The following SCAF8 variants were observed in gnomAD, a reference collection of about 807,000 sequenced individuals.
The protein encoded by SCAF8 is SR-related CTD associated factor 8.
SCAF8 carries 23 observed loss-of-function variants against 140.5 expected under a neutral mutation model. The ratio of observed to expected loss-of-function variants is 0.16; its 90% CI spans 0.12 to 0.23. SCAF8 has a LOEUF of 0.23. Ranked by LOEUF, SCAF8 falls within the 10% of genes least tolerant of loss-of-function variation. The pLI is 1.00. For missense variants in SCAF8, 1,397 were observed against 1,555.7 expected (o/e 0.90, Z 1.72); for synonymous variants, 575 against 528.9 (o/e 1.09, Z -1.20).
chr6:154,802,902 T>A (rs544882002), intron 7 of SCAF8, among the ~76,000 whole-genome samples: 2 of 152,226 alleles, frequency 1.3e-5, no homozygotes, highest in Non-Finnish European at 2.9e-5. Flanking sequence ...ATGCCTAAAT[T>A]ATTAATAATT....
At chr6:154,766,668 C>CTTTT (rs1226739849) in intron 1 of SCAF8, among the ~76,000 whole-genome samples, 1 of 97,238 alleles carries the variant, frequency 1.0e-5, no homozygotes, top group Non-Finnish European at 2.0e-5. Context: ...CACCCCCCCC[C>CTTTT]CTTTTTTTTT....
intron 3 of SCAF8, among the ~76,000 whole-genome samples, chr6:154,784,775 A>G (rs1199171761): frequency 6.6e-6 from 1 of 152,206 alleles, no homozygotes; most frequent in Non-Finnish European, 1.5e-5. Flanking sequence ...GGGTCTTGGA[A>G]CGAATCCCCC....
chr6:154,826,375 G>T (rs993369188), intron 17 of SCAF8, among the ~76,000 whole-genome samples: 11 of 151,766 alleles, frequency 7.2e-5, no homozygotes, highest in African/African-American at 2.4e-4. Context: ...TGTACAAAAG[G>T]TATATTTTAT....
chr6:154,751,413 G>A (rs1354336823), intron 1 of SCAF8, among the ~76,000 whole-genome samples: 2 of 151,932 alleles, frequency 1.3e-5, no homozygotes, highest in Non-Finnish European at 2.9e-5. Flanking sequence ...TTTTTTTGTT[G>A]AGACGGGTTT....
intron 16 of SCAF8, among the ~76,000 whole-genome samples, chr6:154,823,118 G>A (rs1181061874): frequency 6.6e-6 from 1 of 152,174 alleles, no homozygotes; most frequent in African/African-American, 2.4e-5. Flanking sequence ...CCCACACCAG[G>A]AATATGGTTG....
chr6:154,737,040 A>G lies in SCAF8; in HGVS notation c.30+3110A>G, dbSNP rs1046227335. On this transcript the variant is annotated intron_variant, in intron 1 of 19. Coordinates refer to ENST00000367178, the MANE Select transcript of SCAF8 (RefSeq NM_014892.5). ...GAATGCAGTTTCTGTGAATGTTGTA[A>G]TATTTGCTGATGTGTAGTAAACATT... Among the ~76,000 whole-genome samples the G allele has an allele frequency of 3.9e-5, 6 of 152,338 alleles. 1 individual carries two copies. The South Asian group carries it at 8.3e-4, about 21-fold the overall frequency.
At chr6:154,782,936 C>T (rs1333424866) in intron 3 of SCAF8, among the ~76,000 whole-genome samples, 2 of 152,196 alleles carry the variant, frequency 1.3e-5, no homozygotes, top group African/African-American at 4.8e-5. Context: ...GCAGCACCCT[C>T]ACAGACACAT....
At chr6:154,806,636 A>G (rs976600781) in intron 9 of SCAF8, among the ~76,000 whole-genome samples, 1 of 152,186 alleles carries the variant, frequency 6.6e-6, no homozygotes, top group Non-Finnish European at 1.5e-5. Context: ...GATGGAAGAG[A>G]TAGCAAACTT....
chr6:154,791,805 G>A (rs1033593511), intron 4 of SCAF8, among the ~76,000 whole-genome samples: 1 of 152,092 alleles, frequency 6.6e-6, no homozygotes, highest in Non-Finnish European at 1.5e-5. Flanking sequence ...CCAGAAAGAG[G>A]TTGAGACTAA....
intron 4 of SCAF8, among the ~76,000 whole-genome samples, chr6:154,789,544 A>AT (rs905985637): frequency 0.018 from 2,523 of 136,820 alleles, 37 homozygotes; most frequent in South Asian, 0.026. Context: ...AATGCTTCTA[A>AT]TTTTTTTTTT....
intron 3 of SCAF8, among the ~76,000 whole-genome samples, chr6:154,784,225 T>C (rs1432335199): frequency 1.3e-5 from 2 of 150,210 alleles, no homozygotes; most frequent in African/African-American, 2.4e-5. Context: ...AGTATACCTT[T>C]ATGCTTGGAG....
chr6:154,779,818 T>A (rs1409150859), intron 3 of SCAF8, among the ~76,000 whole-genome samples: 1 of 151,720 alleles, frequency 6.6e-6, no homozygotes, highest in Non-Finnish European at 1.5e-5. Flanking sequence ...TTTTTTATAC[T>A]TTTGAGCTAA....
At chr6:154,803,986 A>G (rs896067387) in intron 8 of SCAF8, among the ~76,000 whole-genome samples, 14 of 152,316 alleles carry the variant, frequency 9.2e-5, no homozygotes, top group Non-Finnish European at 1.8e-4. Flanking sequence ...AGCATATGAA[A>G]TTGTGGAAAC....
Position 154,832,725 on chromosome 6 carries a change from C to T in SCAF8, c.3146C>T (p.Pro1049Leu). ...VGRPIDPREG[P>L]GRPPLDGRDH... Reference sequence around the variant, plus strand: ...CGGCCTATAGATCCAAGAGAAGGTCCTGGACGGCCTCCACTAGATGGTAGG... The same window carrying T: ...CGGCCTATAGATCCAAGAGAAGGTCTTGGACGGCCTCCACTAGATGGTAGG... The change falls in exon 20 of 20, where the codon CCT becomes CTT. Residue 1049 changes from proline (P) to leucine (L), a missense_variant. This residue lies in a region of SCAF8 where 930 missense variants were observed against 874.6 expected (regional missense o/e 1.06). Coordinates refer to ENST00000367178, the MANE Select transcript of SCAF8 (RefSeq NM_014892.5). The T allele has an allele frequency of 6.2e-7, 1 of 1,613,898 alleles. No individual in the cohort carries two copies. Among genetic ancestry groups the T allele is most frequent in the Non-Finnish European group, 8.5e-7 (1 of 1,179,978 alleles).
chr6:154,825,024 A>C (rs1053734044), intron 17 of SCAF8: 3 of 152,162 alleles, frequency 2.0e-5, no homozygotes. Context: ...TTTTTATATG[A>C]AAGTTCTCTA....
chr6:154,795,551 G>A (rs1486877612), intron 6 of SCAF8, among the ~76,000 whole-genome samples: 1 of 152,150 alleles, frequency 6.6e-6, no homozygotes, highest in African/African-American at 2.4e-5. Flanking sequence ...CTAGATTTGG[G>A]GGAAGGGGTC....
At chr6:154,813,950 G>T (rs116001254) in intron 12 of SCAF8, among the ~76,000 whole-genome samples, 262 of 152,342 alleles carry the variant, frequency 1.7e-3, no homozygotes, top group African/African-American at 6.0e-3. Flanking sequence ...TAGAGGGAAT[G>T]CGTACCTGCT....
At chr6:154,763,797 G>T (rs945984103) in intron 1 of SCAF8, among the ~76,000 whole-genome samples, 6 of 152,026 alleles carry the variant, frequency 3.9e-5, no homozygotes, top group African/African-American at 1.4e-4. Context: ...CCGAATCCAG[G>T]GGCTGGCCTG....
chr6:154,733,966 G>C (rs1313487260), intron 1 of SCAF8, 36 bp downstream of exon 1: 1 of 1,509,184 alleles, frequency 6.6e-7, no homozygotes. Context: ...GCTCCTGCCC[G>C]CACCGCCCCC....
Sources: gnomAD v4.1 joint callset for allele counts (sites outside exome capture counted in the v4.1 genomes callset) on GRCh38, gnomAD v4.1.1 for gene constraint, gnomAD v4.1.1 regional missense constraint, MANE v1.5 for transcripts, NCBI Gene and HGNC (gene_info 2026-07-23, HGNC 2026-07-21) for gene names.